The following ADD3 variants were observed in gnomAD, a reference collection of about 807,000 sequenced individuals.
ADD3 encodes the protein adducin 3, also known as gamma-adducin.
A neutral mutation model predicts 80.2 loss-of-function variants in ADD3; 25 were observed. That is an observed-to-expected ratio of 0.31 (90% CI 0.23 to 0.44). The LOEUF is 0.44. Ranked by LOEUF, ADD3 falls within the 20% of genes least tolerant of loss-of-function variation. The pLI, the probability that ADD3 is intolerant of heterozygous loss-of-function variation, is 1.00. For missense variants in ADD3, 829 were observed against 847.5 expected (o/e 0.98, Z 0.27); for synonymous variants, 284 against 289.6 (o/e 0.98, Z 0.20).
At chr10:110,082,156 C>T (rs998415903) in intron 1 of ADD3, among the ~76,000 whole-genome samples, 4 of 152,106 alleles carry the variant, frequency 2.6e-5, no homozygotes, top group Admixed American at 1.3e-4. Context: ...GAGACAACCA[C>T]AGTGAACAAT....
At chr10:110,019,730 G>A (rs1035986353) in intron 1 of ADD3, among the ~76,000 whole-genome samples, 1 of 152,158 alleles carries the variant, frequency 6.6e-6, no homozygotes, top group Admixed American at 6.5e-5. Context: ...TGAAGGTGCT[G>A]TGATTATGCT....
At chr10:110,028,881 CT>C (rs755564434) in intron 1 of ADD3, among the ~76,000 whole-genome samples, 323 of 140,216 alleles carry the variant, frequency 2.3e-3, no homozygotes, top group Middle Eastern at 0.011. Flanking sequence ...CATCACTTTC[CT>C]TTTTTTTTTT....
At position 110,130,468 on chromosome 10, in the gene ADD3, A is replaced by G. The variant is rs949694572; in HGVS notation, c.1714A>G (p.Lys572Glu). The G allele has an allele frequency of 3.7e-6, 6 of 1,613,936 alleles. No individual in the cohort carries two copies. The highest frequency in any genetic ancestry group is 1.1e-5 in the South Asian group (1 of 91,064). ...AGAGTATAAGAGGACAATCGAACGT[A>G]AACAACAAGGCCTAGAAGGTTAGTT... Reference protein sequence around the residue: ...LEEYKRTIERKQQGLEDAEQE... With the variant: ...LEEYKRTIEREQQGLEDAEQE... Residue 572 changes from lysine (K) to glutamate (E), a missense_variant, in exon 13 of 15, where the codon AAA (lysine) becomes GAA (glutamate). Physicochemically the swap from Lys to Glu is moderately conservative, Grantham distance 56. Coordinates refer to ENST00000356080, the MANE Select transcript of ADD3 (RefSeq NM_016824.5).
At chr10:110,044,429 A>C (rs916007202) in intron 1 of ADD3, among the ~76,000 whole-genome samples, 1 of 152,306 alleles carries the variant, frequency 6.6e-6, no homozygotes, top group South Asian at 2.1e-4. Flanking sequence ...TTATCATATG[A>C]TTTTTGAGAG....
chr10:110,118,332 T>C (rs1382125840), intron 5 of ADD3, among the ~76,000 whole-genome samples: 1 of 152,194 alleles, frequency 6.6e-6, no homozygotes, highest in East Asian at 1.9e-4. Context: ...TCTTGCCAAG[T>C]ACCAAGTTTT....
At chr10:110,040,958 CTCTCTG>C (rs1320605182) in intron 1 of ADD3, among the ~76,000 whole-genome samples, 4 of 17,566 alleles carry the variant, frequency 2.3e-4, no homozygotes, top group African/African-American at 3.0e-4. Flanking sequence ...CTCTCTGTCT[CTCTCTG>C]TCTCTCTCTC....
chr10:110,133,389 G>T lies in ADD3; in HGVS notation c.1892G>T (p.Gly631Val), dbSNP rs1346867770. 2 of 1,611,128 alleles carry T rather than the reference G, an allele frequency of 1.2e-6. No individual in the cohort carries two copies. Among genetic ancestry groups the T allele is most frequent in the Non-Finnish European group, 1.7e-6 (2 of 1,177,724 alleles). Reference protein sequence around the residue: ...SMEVPVMVVNGKDDMHDVEDE... With the variant: ...SMEVPVMVVNVKDDMHDVEDE... The stretch of plus-strand genomic sequence containing the variant: ...GAAGTGCCTGTCATGGTAGTAAATG[G>T]CAAGGATGATATGCATGATGTTGAA... The change falls in exon 15 of 15, where the codon GGC becomes GTC. Residue 631 changes from glycine (G) to valine (V), a missense_variant. Coordinates refer to ENST00000356080, the MANE Select transcript of ADD3 (RefSeq NM_016824.5).
chr10:110,079,689 G>A (rs1357724520), intron 1 of ADD3, among the ~76,000 whole-genome samples: 1 of 151,830 alleles, frequency 6.6e-6, no homozygotes, highest in East Asian at 1.9e-4. Flanking sequence ...CCGAGTAGCT[G>A]GGATAACAGC....
At position 110,100,665 on chromosome 10, in the gene ADD3, T is replaced by C; in HGVS notation, c.12T>C (p.Asp4=). 1.9e-6 allele frequency: 3 copies of C among 1,608,710 alleles called. No individual in the cohort carries two copies. The highest frequency in any genetic ancestry group is 2.5e-6 in the Non-Finnish European group (3 of 1,177,794). Reference sequence around the variant, plus strand: ...CACAGACTTAAAACATGAGCTCAGATGCCAGCCAAGGCGTGATTACCACTC... The same window carrying C: ...CACAGACTTAAAACATGAGCTCAGACGCCAGCCAAGGCGTGATTACCACTC... The part of the protein sequence containing the change: MSS[D]ASQGVITTPP... Residue 4 remains aspartate (D), a synonymous_variant, in exon 2 of 15, where the codon GAT becomes GAC. Coordinates refer to ENST00000356080, the MANE Select transcript of ADD3 (RefSeq NM_016824.5).
intron 1 of ADD3, among the ~76,000 whole-genome samples, chr10:110,046,931 T>C (rs1434258481): frequency 1.3e-5 from 2 of 152,144 alleles, no homozygotes; most frequent in Admixed American, 6.5e-5. Context: ...ATGAGGTTTG[T>C]ATTGAAGCAT....
intron 2 of ADD3, among the ~76,000 whole-genome samples, chr10:110,110,497 G>A (rs758966150): frequency 2.6e-5 from 4 of 152,186 alleles, no homozygotes; most frequent in Admixed American, 6.5e-5. Context: ...GGGATCTTCC[G>A]GTGCTAAGCT....
rs950207865 is a variant in ADD3 at position 110,126,575 on chromosome 10, T to G, written c.1608+72T>G. 6 of 1,100,902 alleles carry G rather than the reference T, an allele frequency of 5.5e-6. No homozygotes were observed. In the African/African-American group the frequency reaches 9.6e-5, roughly 18 times the overall value. 68.2% of individuals were successfully genotyped at this position (1,100,902 alleles called of 1,614,324 possible). ...AATTTCATTGATTTTTAAATATGAA[T>G]ATTTATTTTTACTAAGGTTAATATA... On this transcript the variant is annotated intron_variant, in intron 12 of 14. Coordinates refer to ENST00000356080, the MANE Select transcript of ADD3 (RefSeq NM_016824.5).
intron 1 of ADD3, among the ~76,000 whole-genome samples, chr10:110,077,483 A>G (rs913738704): frequency 2.6e-5 from 4 of 152,214 alleles, no homozygotes; most frequent in African/African-American, 7.2e-5. Flanking sequence ...TAATCTGGCA[A>G]TACTGTATTT....
intron 8 of ADD3, among the ~76,000 whole-genome samples, chr10:110,120,670 A>AC (rs1008180153): frequency 6.6e-6 from 1 of 152,154 alleles, no homozygotes; most frequent in African/African-American, 2.4e-5. Context: ...CAATGGTTGA[A>AC]CTAGAGAGCC....
intron 1 of ADD3, among the ~76,000 whole-genome samples, chr10:110,058,882 G>T (rs1858535490): frequency 6.6e-6 from 1 of 152,186 alleles, no homozygotes; most frequent in Non-Finnish European, 1.5e-5. Flanking sequence ...TCATATTACT[G>T]TTAAATTATC....
chr10:110,065,644 A>G (rs756182869), intron 1 of ADD3, among the ~76,000 whole-genome samples: 1 of 144,658 alleles, frequency 6.9e-6, no homozygotes, highest in Non-Finnish European at 1.5e-5. Flanking sequence ...GGTTCAAGTG[A>G]TCCTCCTGCC....
At chr10:110,025,972 T>A (rs1300568254) in intron 1 of ADD3, among the ~76,000 whole-genome samples, 1 of 152,190 alleles carries the variant, frequency 6.6e-6, no homozygotes, top group African/African-American at 2.4e-5. Context: ...GTGAAGTTTT[T>A]TCCAAAATCT....
At chr10:110,037,309 T>G (rs1244574125) in intron 1 of ADD3, among the ~76,000 whole-genome samples, 2 of 152,160 alleles carry the variant, frequency 1.3e-5, no homozygotes, top group East Asian at 3.8e-4. Flanking sequence ...CAGTTCAGCT[T>G]CTTAAGTTGT....
intron 1 of ADD3, among the ~76,000 whole-genome samples, chr10:110,093,338 G>A (rs1479451532): frequency 6.6e-6 from 1 of 151,954 alleles, no homozygotes; most frequent in Non-Finnish European, 1.5e-5. Context: ...ATTTCAGTTG[G>A]TGTATTATAC....
Sources: allele counts gnomAD v4.1 joint callset (sites outside exome capture counted in the v4.1 genomes callset), GRCh38; gene constraint gnomAD v4.1.1; transcripts MANE v1.5; gene names NCBI Gene and HGNC (gene_info 2026-07-23, HGNC 2026-07-21).